The following SHISA9 variants were observed in gnomAD, a reference collection of about 807,000 sequenced individuals.
SHISA9 encodes shisa family member 9, also known as protein shisa-9.
Under a neutral mutation model 38.0 loss-of-function variants are expected in SHISA9, and 13 were observed. That is an observed-to-expected ratio of 0.34 (90% CI 0.22 to 0.54). The LOEUF is 0.54. Among genes scored for constraint, SHISA9 ranks in the 20% least tolerant of loss-of-function variants. The pLI, the probability that SHISA9 is intolerant of heterozygous loss-of-function variation, is 0.91. For missense variants in SHISA9, 538 were observed against 575.8 expected (o/e 0.93, Z 0.67); for synonymous variants, 275 against 242.0 (o/e 1.14, Z -1.27).
the SHISA9 span, chr16:13,474,100 G>C: frequency 6.6e-6 from 1 of 152,180 alleles, no homozygotes; most frequent in Non-Finnish European, 1.5e-5. Context: ...ACTTCTTGCT[G>C]TGTGAGAAAA....
chr16:12,902,945 C>T, intron 1 of SHISA9: 2 of 305,620 alleles, frequency 6.5e-6, no homozygotes, highest in Non-Finnish European at 1.2e-5. Context: ...CCTGGGAGCC[C>T]GTGGCCCCGA....
the SHISA9 span, among the ~76,000 whole-genome samples, chr16:13,394,351 T>C: frequency 6.6e-6 from 1 of 152,228 alleles, no homozygotes; most frequent in African/African-American, 2.4e-5. Flanking sequence ...TGCAGAATTA[T>C]TGCTGCCAAA....
At chr16:13,028,907 G>C (rs575990987) in intron 2 of SHISA9, among the ~76,000 whole-genome samples, 1 of 152,150 alleles carries the variant, frequency 6.6e-6, no homozygotes, top group Non-Finnish European at 1.5e-5. Context: ...AAACTACATG[G>C]AGTGTGAGTG....
At chr16:13,166,960 C>T (rs1389307135) in intron 2 of SHISA9, among the ~76,000 whole-genome samples, 1 of 152,014 alleles carries the variant, frequency 6.6e-6, no homozygotes, top group South Asian at 2.1e-4. Flanking sequence ...ACATCCTGCA[C>T]ATGTACCCTG....
At chr16:13,222,793 T>C (rs1257904228) in intron 4 of SHISA9, among the ~76,000 whole-genome samples, 43 of 76,452 alleles carry the variant, frequency 5.6e-4, no homozygotes, top group African/African-American at 3.7e-3. Flanking sequence ...TGTGTGTATG[T>C]ATATATATAT....
chr16:13,161,729 A>G (rs2050596785), intron 2 of SHISA9, among the ~76,000 whole-genome samples: 1 of 152,064 alleles, frequency 6.6e-6, no homozygotes, highest in African/African-American at 2.4e-5. Context: ...TTGAATACCT[A>G]CCATATGCAA....
chr16:13,134,167 A>G (rs1435259247), intron 2 of SHISA9, among the ~76,000 whole-genome samples: 1 of 152,204 alleles, frequency 6.6e-6, no homozygotes, highest in Non-Finnish European at 1.5e-5. Flanking sequence ...GCCTGGGTCT[A>G]TTACTGCCAA....
the SHISA9 span, among the ~76,000 whole-genome samples, chr16:13,523,674 C>G: frequency 6.6e-6 from 1 of 152,162 alleles, no homozygotes; most frequent in Non-Finnish European, 1.5e-5. Context: ...AATTCACTCA[C>G]TATTGTGAGG....
the SHISA9 span, among the ~76,000 whole-genome samples, chr16:13,483,706 G>C: frequency 6.6e-6 from 1 of 151,906 alleles, no homozygotes; most frequent in Non-Finnish European, 1.5e-5. Context: ...ATATCCTGGC[G>C]AAAGGAATGT....
intron 2 of SHISA9, among the ~76,000 whole-genome samples, chr16:12,936,918 A>C (rs1294465381): frequency 6.6e-6 from 1 of 152,114 alleles, no homozygotes; most frequent in South Asian, 2.1e-4. Flanking sequence ...GACACACAGC[A>C]CGGGTTGGCT....
chr16:12,946,068 G>T (rs116100216), intron 2 of SHISA9, among the ~76,000 whole-genome samples: 4,395 of 152,268 alleles, frequency 0.029, 186 homozygotes, highest in African/African-American at 0.099. Context: ...TGGCTAACCT[G>T]TTTTCCCAGC....
intron 2 of SHISA9, among the ~76,000 whole-genome samples, chr16:13,057,675 C>T (rs189172383): frequency 4.7e-4 from 72 of 152,188 alleles, no homozygotes; most frequent in African/African-American, 1.3e-3. Context: ...TTAAGTTCTG[C>T]GATACATGTG....
chr16:12,911,465 G>C, intron 1 of SHISA9: 1 of 820,508 alleles, frequency 1.2e-6, no homozygotes, highest in Non-Finnish European at 1.5e-6. Flanking sequence ...ACAATGATTA[G>C]GTACATTATG....
chr16:13,182,327 A>G (rs981391426), intron 2 of SHISA9, among the ~76,000 whole-genome samples: 4 of 152,230 alleles, frequency 2.6e-5, no homozygotes, highest in African/African-American at 7.2e-5. Flanking sequence ...CCTGGAGCTC[A>G]TTGTATAAAA....
the SHISA9 span, among the ~76,000 whole-genome samples, chr16:13,351,008 C>T: frequency 1.3e-5 from 2 of 152,134 alleles, no homozygotes; most frequent in African/African-American, 4.8e-5. Flanking sequence ...AATATGGCTA[C>T]CATCTATTGG....
the SHISA9 span, among the ~76,000 whole-genome samples, chr16:13,389,473 A>G: frequency 2.6e-5 from 4 of 152,192 alleles, no homozygotes; most frequent in African/African-American, 9.7e-5. Context: ...GTACATGTGT[A>G]TCAAAATATT....
intron 2 of SHISA9, among the ~76,000 whole-genome samples, chr16:13,001,920 G>A (rs1567177812): frequency 6.6e-6 from 1 of 152,102 alleles, no homozygotes; most frequent in East Asian, 1.9e-4. Context: ...TGTTAAATGT[G>A]GAAGTTAGGT....
At chr16:13,265,077 C>T in the SHISA9 span, among the ~76,000 whole-genome samples, 1 of 121,902 alleles carries the variant, frequency 8.2e-6, no homozygotes, top group Non-Finnish European at 1.8e-5. Context: ...CTCCTCATCC[C>T]TCCCTTCTTT....
chr16:13,207,643 A>T (rs114123056), intron 3 of SHISA9, among the ~76,000 whole-genome samples: 2,518 of 152,126 alleles, frequency 0.017, 78 homozygotes, highest in African/African-American at 0.058. Context: ...TTTCTCTGAG[A>T]CATAGGTGGT....
Sources: gnomAD v4.1 joint callset for allele counts (sites outside exome capture counted in the v4.1 genomes callset) on GRCh38, gnomAD v4.1.1 for gene constraint, MANE v1.5 for transcripts, NCBI Gene and HGNC (gene_info 2026-07-23, HGNC 2026-07-21) for gene names.